KLHDC4: variants seen among roughly 807,000 people sequenced by gnomAD.
KLHDC4 encodes kelch domain containing 4, also known as kelch domain-containing protein 4.
In KLHDC4, 90 loss-of-function variants were observed where a neutral mutation model predicts 62.4. The ratio of observed to expected loss-of-function variants is 1.44; its 90% CI spans 1.22 to 1.72. The LOEUF is 1.72. Among genes scored for constraint, KLHDC4 ranks in the 40% most tolerant of loss-of-function variants. KLHDC4 has a pLI of 0.00. For synonymous variants in KLHDC4, 386 were observed against 284.4 expected, an observed-to-expected ratio of 1.36 and a Z score of -3.59; for missense variants, 1,025 against 699.7, an observed-to-expected ratio of 1.47 and a Z score of -5.25.
At chr16:87,759,109 T>C (rs141739277) in intron 2 of KLHDC4, among the ~76,000 whole-genome samples, 73 of 152,090 alleles carry the variant, frequency 4.8e-4, no homozygotes, top group African/African-American at 1.6e-3. Flanking sequence ...GAGGTGGAGG[T>C]TGCGGTGAGC....
intron 5 of KLHDC4, among the ~76,000 whole-genome samples, chr16:87,742,426 T>C (rs1451737153): frequency 6.6e-6 from 1 of 152,198 alleles, no homozygotes; most frequent in Admixed American, 6.5e-5. Flanking sequence ...CTAAGAGGTA[T>C]TTTACATGAA....
chr16:87,747,458 G>C (rs530989707), intron 5 of KLHDC4: 1 of 152,340 alleles, frequency 6.6e-6, no homozygotes, highest in East Asian at 1.9e-4. Context: ...TCCATTTTTA[G>C]CATGAAAGTA....
chr16:87,755,347 G>T (rs1159743035), intron 3 of KLHDC4, 55 bp from the exon 4 acceptor site: 1 of 940,038 alleles, frequency 1.1e-6, no homozygotes. Context: ...CCAAGGAAGT[G>T]GTGAGAACAA....
intron 7 of KLHDC4, among the ~76,000 whole-genome samples, chr16:87,725,416 C>T (rs1290004907): frequency 6.6e-6 from 1 of 152,172 alleles, no homozygotes; most frequent in Non-Finnish European, 1.5e-5. Flanking sequence ...CCGCCCGCCT[C>T]GGCCTCCCAA....
At chr16:87,762,732 A>G (rs1463474146) in intron 1 of KLHDC4, among the ~76,000 whole-genome samples, 2 of 152,112 alleles carry the variant, frequency 1.3e-5, no homozygotes, top group Non-Finnish European at 2.9e-5. Flanking sequence ...ATGTGCCAGC[A>G]CAGAGGGCAG....
chr16:87,702,638 GA>G (rs1424596947), upstream of KLHDC4: 2 of 231,854 alleles, frequency 8.6e-6, no homozygotes, highest in Admixed American at 5.0e-5. Flanking sequence ...GCCCGGCGGA[GA>G]AAAAAACCAC....
At chr16:87,751,242 G>A (rs1597341049) in intron 4 of KLHDC4, among the ~76,000 whole-genome samples, 1 of 152,200 alleles carries the variant, frequency 6.6e-6, no homozygotes, top group Non-Finnish European at 1.5e-5. Flanking sequence ...TTGGGAGGCC[G>A]AGGGAGGTAG....
At chr16:87,701,529 G>C (rs2034142434) in exon 1 of KLHDC4, 1 of 377,014 alleles carries the variant, frequency 2.7e-6, no homozygotes, top group South Asian at 1.9e-5. Context: ...GACGGGCACA[G>C]GCCACAGTGT....
exon 1 of KLHDC4, chr16:87,701,989 A>G (rs1271344332): frequency 4.4e-6 from 2 of 456,204 alleles, no homozygotes; most frequent in East Asian, 1.4e-4. Context: ...GGCCTGCAAC[A>G]AAGCTCAGCC....
exon 1 of KLHDC4, chr16:87,702,554 G>A (rs113031351): frequency 0.084 from 29,599 of 352,116 alleles, 1,647 homozygotes; most frequent in Admixed American, 0.19. Context: ...CCTCCTGGAC[G>A]CTGAGCTGAC....
intron 4 of KLHDC4, among the ~76,000 whole-genome samples, chr16:87,751,144 A>C (rs1174277681): frequency 6.6e-6 from 1 of 152,238 alleles, no homozygotes; most frequent in Non-Finnish European, 1.5e-5. Flanking sequence ...GAAAGAACAC[A>C]TACATGCACG....
chr16:87,748,098 C>A (rs931965379), intron 5 of KLHDC4, among the ~76,000 whole-genome samples: 1 of 152,208 alleles, frequency 6.6e-6, no homozygotes, highest in Admixed American at 6.5e-5. Context: ...GCTCTCTACA[C>A]GGAGAGACAA....
chr16:87,723,171 C>T (rs548627978), intron 7 of KLHDC4, among the ~76,000 whole-genome samples: 16 of 152,340 alleles, frequency 1.1e-4, no homozygotes, highest in East Asian at 9.6e-4. Context: ...TCAGCCATGG[C>T]GCAGCTGACC....
At chr16:87,712,586 C>T (rs1269826975) in intron 8 of KLHDC4, among the ~76,000 whole-genome samples, 2 of 152,258 alleles carry the variant, frequency 1.3e-5, no homozygotes, top group African/African-American at 4.8e-5. Flanking sequence ...GGTTCAAGTT[C>T]ACTGGGGTGT....
Position 87,765,948 on chromosome 16 carries a change from G to C in KLHDC4, c.-58C>G. ...GGAAAGAAAACGGCCCGCGCTCTCC[G>C]CTCGGAAACAGGTGCTCGTGGGGCG... On this transcript the variant is annotated 5_prime_UTR_variant, in exon 1 of 12. Transcript: ENST00000270583. 6 of 1,500,350 alleles carry C rather than the reference G, an allele frequency of 4.0e-6. No homozygotes were observed. Among genetic ancestry groups the C allele is most frequent in the Non-Finnish European group, 5.4e-6 (6 of 1,105,330 alleles). The allele number at this position is 1,500,350 out of a possible 1,614,324, so 92.9% of individuals were successfully genotyped here. A position where few individuals can be genotyped will look rare whatever the true frequency, so the allele number is the denominator to read the frequency against.
chr16:87,700,798 GAGGGGAGGAGGTTGCAGGGCA>G lies in KLHDC4; in HGVS notation c.*820_*840del. The G allele has an allele frequency of 1.3e-5, 3 of 222,928 alleles. No homozygotes were observed. The Admixed American group carries it at 2.0e-4, about 15-fold the overall frequency. The allele number at this position is 222,928 out of a possible 1,614,324, so 13.8% of individuals were successfully genotyped here. ...GGCGGAGGGAGGAGGTTGGAGGGCA[GAGGGGAGGAGGTTGCAGGGCA>G]GAGGGAGGAGGTTGGAGGGCGGAGG... is the stretch of plus-strand genomic sequence containing the variant. On this transcript the variant is annotated 3_prime_UTR_variant, in exon 1 of 1. Coordinates refer to the KLHDC4 transcript ENST00000446344.
chr16:87,707,461 C>G (rs531294455), downstream of KLHDC4, among the ~76,000 whole-genome samples: 58 of 152,316 alleles, frequency 3.8e-4, no homozygotes, highest in African/African-American at 1.3e-3. Context: ...GCCCCCACCA[C>G]GAGACCCCCG....
chr16:87,701,218 G>A (rs994189186), exon 1 of KLHDC4: 4 of 223,298 alleles, frequency 1.8e-5, no homozygotes, highest in African/African-American at 6.8e-5. Flanking sequence ...AGCGCTTCCC[G>A]ATGAGCAGAG....
rs140426283 is a variant in KLHDC4 at position 87,726,872 on chromosome 16, A to G, written c.652T>C (p.Trp218Arg). The G allele has an allele frequency of 1.2e-6, 2 of 1,613,828 alleles. No homozygotes were observed. Among genetic ancestry groups the G allele is most frequent in the Admixed American group, 1.7e-5 (1 of 60,012 alleles). Residue 218 changes from tryptophan to arginine, a missense_variant, in exon 7 of 12, where the codon TGG (tryptophan) becomes CGG (arginine). Transcript: ENST00000270583. Reference protein sequence around the residue: ...VYAFNLDTFTWSKLSPSGTGP... With the variant: ...VYAFNLDTFTRSKLSPSGTGP... ...GTCCCTGACGGGGACAGCTTGCTCC[A>G]TGTGAAGGTGTCCAGATTAAAGGCA...
Sources: allele counts gnomAD v4.1 joint callset (sites outside exome capture counted in the v4.1 genomes callset), GRCh38; gene constraint gnomAD v4.1.1; transcripts MANE v1.5; gene names NCBI Gene and HGNC (gene_info 2026-07-23, HGNC 2026-07-21).